Variants in CCDC142 observed in about 807,000 individuals in gnomAD.
The protein encoded by CCDC142 is coiled-coil domain-containing protein 142.
CCDC142 carries 67 observed loss-of-function variants against 83.8 expected under a neutral mutation model. That is an observed-to-expected ratio of 0.80 (90% CI 0.66 to 0.98). CCDC142 has a LOEUF of 0.98. CCDC142 is among the 50% of genes least tolerant of loss of function. The probability of loss-of-function intolerance (pLI) is 0.00; values close to 1 mark genes in which losing one functional copy is unlikely to be tolerated. For synonymous variants in CCDC142, 421 were observed against 421.2 expected, an observed-to-expected ratio of 1.00 and a Z score of 0.01; for missense variants, 905 against 946.8, an observed-to-expected ratio of 0.96 and a Z score of 0.58.
chr2:74,475,153 T>G (rs1672291861), intron 7 of CCDC142, 38 bp from the exon 8 acceptor site: 1 of 1,611,842 alleles, frequency 6.2e-7, no homozygotes. Flanking sequence ...TTGACCCTCC[T>G]GCCTCTCCCA....
chr2:74,482,081 C>T lies in CCDC142; in HGVS notation c.757G>A (p.Glu253Lys), dbSNP rs141622267. 1.4e-3 allele frequency: 2,207 copies of T among 1,613,408 alleles called. 5 individuals carry two copies. Among genetic ancestry groups the T allele is most frequent in the Non-Finnish European group, 1.7e-3 (2,022 of 1,179,948 alleles). Residue 253 changes from glutamate (E) to lysine (K), a missense_variant, in exon 1 of 9, where the codon GAG becomes AAG. Coordinates refer to ENST00000393965, the MANE Select transcript of CCDC142 (RefSeq NM_001365575.2). This position sits in a 1 kb window ranked among gnomAD's most constrained non-coding sequence, Gnocchi z 5.0. ...RGCQVASRLDEALQGSALRDQ... is the reference protein window; with the variant it reads ...RGCQVASRLDKALQGSALRDQ... ...CTCAACGCCGATCCTTGGAGCGCCT[C>T]GTCCAGCCGACTTGCCACCTGGCAA...
At chr2:74,480,485 G>T (rs1283784240) in intron 5 of CCDC142, among the ~76,000 whole-genome samples, 1 of 151,880 alleles carries the variant, frequency 6.6e-6, no homozygotes, top group Non-Finnish European at 1.5e-5. Flanking sequence ...CAGCTACTAG[G>T]GAGGCTGAGG....
In CCDC142 at chr2:74,475,601, T is replaced by G. The variant is rs746733665; in HGVS notation, c.1618+11A>C. On this transcript the variant is annotated intron_variant, in intron 6 of 8. Transcript: ENST00000393965. The stretch of plus-strand genomic sequence containing the variant: ...GGAACTCTGGAAGGAGAAGCTGGGA[T>G]GAGGAGTTACCAGGACAGAGACGAA... 2 of 1,605,758 alleles carry G rather than the reference T, an allele frequency of 1.2e-6. No homozygotes were observed. The highest frequency in any genetic ancestry group is 1.7e-4 in the Middle Eastern group (1 of 6,042).
chr2:74,475,188 C>T (rs1672293033), intron 7 of CCDC142, 37 bp downstream of exon 7: 1 of 1,613,786 alleles, frequency 6.2e-7, no homozygotes, highest in Non-Finnish European at 8.5e-7. Flanking sequence ...TTTCCCAGTT[C>T]CATTCACCCC....
In CCDC142 at chr2:74,482,273, G is replaced by T; in HGVS notation, c.565C>A (p.Leu189Ile). The T allele has an allele frequency of 6.2e-7, 1 of 1,612,692 alleles. No homozygotes were observed. The highest frequency in any genetic ancestry group is 1.1e-5 in the South Asian group (1 of 90,774). ...CCCGGGCTGGCGGGCTCCCGGCCGAGAGCGCGAAGCTGCATCTCGATGACA... is the reference window on the plus strand; with the variant it reads ...CCCGGGCTGGCGGGCTCCCGGCCGATAGCGCGAAGCTGCATCTCGATGACA... ...EAVIEMQLRA[L>I]GREPASPGLS... The change falls in exon 1 of 9, where the codon CTC (leucine) becomes ATC (isoleucine). Residue 189 changes from leucine (L) to isoleucine (I), a missense_variant. Coordinates refer to ENST00000393965, the MANE Select transcript of CCDC142 (RefSeq NM_001365575.2). The surrounding 1 kb of genome is among the most constrained non-coding windows in gnomAD (Gnocchi z 5.0).
In CCDC142 at chr2:74,475,376, C is replaced by T. The variant is rs1572928708; in HGVS notation, c.1645G>A (p.Ala549Thr). The stretch of plus-strand genomic sequence containing the variant: ...AGTACGGTGCGGACCACTAAACCAG[C>T]ATACTCACTAGGAGCACTGGGAGGT... The part of the protein sequence containing the change: ...PEPPSAPSEY[A>T]GLVVRTVLEP... Residue 549 changes from alanine (A) to threonine (T), a missense_variant, in exon 7 of 9, where the codon GCT becomes ACT. Ala to Thr is a moderately conservative substitution (Grantham distance 58). This residue lies in a region of CCDC142 where 265 missense variants were observed against 288.9 expected (regional missense o/e 0.92). Transcript: ENST00000393965. 6.3e-7 allele frequency: 1 copy of T among 1,596,080 alleles called. No homozygotes were observed. Among genetic ancestry groups the T allele is most frequent in the Non-Finnish European group, 8.5e-7 (1 of 1,170,668 alleles).
chr2:74,475,119 A>T lies in CCDC142; in HGVS notation c.1797-4T>A. ...GAGCTGCAGCGCTCCCTGCAGGCTG[A>T]AGGCAGAGGTACAGTATGGCCACTT... On this transcript the variant is annotated splice_region_variant and splice_polypyrimidine_tract_variant and intron_variant, in intron 7 of 8. Coordinates refer to ENST00000393965, the MANE Select transcript of CCDC142 (RefSeq NM_001365575.2). The T allele has an allele frequency of 1.2e-6, 2 of 1,610,298 alleles. No individual in the cohort carries two copies. The highest frequency in any genetic ancestry group is 2.2e-5 in the South Asian group (2 of 90,494).
rs750322294 is a variant in CCDC142, at chr2:74,474,813, A to G, written c.1997-11T>C. On this transcript the variant is annotated splice_polypyrimidine_tract_variant and intron_variant, in intron 8 of 8. Transcript: ENST00000393965. ...CCTCCTGACAAGCACCTGGTAAGGC[A>G]GGAGTGGAAGGTAGGTGGCTGCTGG... 3.1e-5 allele frequency: 50 copies of G among 1,601,344 alleles called. No homozygotes were observed. Among genetic ancestry groups the G allele is most frequent in the Non-Finnish European group, 4.2e-5 (49 of 1,172,392 alleles).
At chr2:74,477,122 CTT>C (rs201019144) in intron 5 of CCDC142, among the ~76,000 whole-genome samples, 4 of 145,544 alleles carry the variant, frequency 2.7e-5, no homozygotes, top group African/African-American at 2.5e-5. Context: ...CACAATGCCT[CTT>C]TTTTTTTTTT....
chr2:74,476,824 G>A (rs968990425), intron 5 of CCDC142, among the ~76,000 whole-genome samples: 1 of 152,214 alleles, frequency 6.6e-6, no homozygotes, highest in Non-Finnish European at 1.5e-5. Context: ...AATGGTAGAT[G>A]CCAGGGAGCC....
chr2:74,475,925 T>A (rs1672313739), intron 5 of CCDC142, among the ~76,000 whole-genome samples, 199 bp from the exon 6 acceptor site: 1 of 151,978 alleles, frequency 6.6e-6, no homozygotes, highest in Non-Finnish European at 1.5e-5. Context: ...TATGAACAAT[T>A]GCCCTAGGAT....
At chr2:74,480,731 G>T in intron 5 of CCDC142, 38 bp downstream of exon 5, 1 of 1,440,442 alleles carries the variant, frequency 6.9e-7, no homozygotes, top group Non-Finnish European at 9.7e-7. Context: ...ACAGAACATA[G>T]GGTCTTACAC....
rs1572928049 is a variant in CCDC142, at chr2:74,474,607, T to C, written c.2192A>G (p.His731Arg). Residue 731 changes from histidine to arginine, a missense_variant, in exon 9 of 9, where the codon CAC becomes CGC. Transcript: ENST00000393965. ...CGGCAGGTGCCAACGGGGTCGCTGG[T>C]GTTGCCTGAGGGCAAGCCAGGCCTG... ...NQQAWLALRQ[H>R]QRPRWHLPFF... The C allele has an allele frequency of 6.2e-7, 1 of 1,614,218 alleles. No individual in the cohort carries two copies. Among genetic ancestry groups the C allele is most frequent in the East Asian group, 2.2e-5 (1 of 44,884 alleles).
Position 74,475,030 on chromosome 2 carries a change from G to A in CCDC142, c.1882C>T (p.Leu628Phe), listed in dbSNP as rs763581608. The A allele has an allele frequency of 3.7e-6, 6 of 1,614,000 alleles. No individual in the cohort carries two copies. In the Admixed American group the frequency reaches 1.0e-4, roughly 27 times the overall value. The change falls in exon 8 of 9, where the codon CTC becomes TTC. Residue 628 changes from leucine (L) to phenylalanine (F), a missense_variant. Physicochemically the swap from Leu to Phe is conservative, Grantham distance 22. Transcript: ENST00000393965. The stretch of plus-strand genomic sequence containing the variant: ...CTGAGCATGAGCAGGGTCTGGCGGA[G>A]ATCAGGGGACAGGCTCCACTGCTCC... The part of the protein sequence containing the change: ...EEEQWSLSPD[L>F]RQTLLMLSIF...
At position 74,474,525 on chromosome 2, in the gene CCDC142, T is replaced by G; in HGVS notation, c.*21A>C. 6.4e-7 allele frequency: 1 copy of G among 1,564,146 alleles called. No individual in the cohort carries two copies. Among genetic ancestry groups the G allele is most frequent in the Non-Finnish European group, 8.6e-7 (1 of 1,159,124 alleles). On this transcript the variant is annotated 3_prime_UTR_variant, in exon 9 of 9. Coordinates refer to ENST00000393965, the MANE Select transcript of CCDC142 (RefSeq NM_001365575.2). ...TAGAGATGGGGAGCTCTTAACTTTC[T>G]GGCTCCTGGTCCCAGGCTCCTTAGG... is the stretch of plus-strand genomic sequence containing the variant.
Position 74,482,908 on chromosome 2 carries a change from G to A in CCDC142, c.-71C>T. Reference sequence around the variant, plus strand: ...ACGGACCAACGCCCGCCGCAGCTCGGACTTCGCCCCATCGCAAGAGCCGTT... The same window carrying A: ...ACGGACCAACGCCCGCCGCAGCTCGAACTTCGCCCCATCGCAAGAGCCGTT... On this transcript the variant is annotated 5_prime_UTR_variant, in exon 1 of 9. Transcript: ENST00000393965. This position sits in a 1 kb window ranked among gnomAD's most constrained non-coding sequence, Gnocchi z 5.0. The A allele has an allele frequency of 6.4e-7, 1 of 1,568,310 alleles. No individual in the cohort carries two copies. Among genetic ancestry groups the A allele is most frequent in the Non-Finnish European group, 8.6e-7 (1 of 1,158,990 alleles).
chr2:74,476,710 T>C (rs1294066528), intron 5 of CCDC142, among the ~76,000 whole-genome samples: 1 of 152,218 alleles, frequency 6.6e-6, no homozygotes, highest in Non-Finnish European at 1.5e-5. Flanking sequence ...TAGGTTGTTT[T>C]TGGAGGGAGA....
chr2:74,474,907 G>A lies in CCDC142; in HGVS notation c.1996+9C>T. 1 of 1,587,678 alleles carries A rather than the reference G, an allele frequency of 6.3e-7. No individual in the cohort carries two copies. The highest frequency in any genetic ancestry group is 1.2e-5 in the South Asian group (1 of 86,624). On this transcript the variant is annotated intron_variant, in intron 8 of 8. Coordinates refer to ENST00000393965, the MANE Select transcript of CCDC142 (RefSeq NM_001365575.2). ...CACACAAAGCAGTGAGCGAAGGGGA[G>A]TAACTCACAGCAACAGGGGGGCCTC... is the stretch of plus-strand genomic sequence containing the variant.
In CCDC142 at chr2:74,482,531, C is replaced by T; in HGVS notation, c.307G>A (p.Glu103Lys). 1.3e-6 allele frequency: 2 copies of T among 1,585,396 alleles called. No individual in the cohort carries two copies. Among genetic ancestry groups the T allele is most frequent in the Middle Eastern group, 1.7e-4 (1 of 5,972 alleles). ...AVLLRLHREREQLLQARDCAY... is the reference protein window; with the variant it reads ...AVLLRLHRERKQLLQARDCAY... ...CAGTCTCGGGCCTGGAGGAGCTGCT[C>T]CCGCTCGCGATGCAGCCGCAGCAAC... Residue 103 changes from glutamate to lysine, a missense_variant, in exon 1 of 9, where the codon GAG (glutamate) becomes AAG (lysine). Coordinates refer to ENST00000393965, the MANE Select transcript of CCDC142 (RefSeq NM_001365575.2). The surrounding 1 kb of genome is among the most constrained non-coding windows in gnomAD (Gnocchi z 5.0).
Sources: gnomAD v4.1 joint callset for allele counts (sites outside exome capture counted in the v4.1 genomes callset) on GRCh38, gnomAD v4.1.1 for gene constraint, gnomAD v4.1.1 regional missense constraint, Gnocchi (gnomAD v3.1) non-coding constraint, MANE v1.5 for transcripts, NCBI Gene and HGNC (gene_info 2026-07-23, HGNC 2026-07-21) for gene names.